The following MALRD1 variants were observed in gnomAD, a reference collection of about 807,000 sequenced individuals.
The protein encoded by MALRD1 is MAM and LDL-receptor class A domain-containing protein 1.
Under a neutral mutation model 242.1 loss-of-function variants are expected in MALRD1, and 247 were observed. The observed-to-expected ratio is 1.02, with a 90% CI of 0.92 to 1.13. The LOEUF (loss-of-function observed/expected upper bound fraction) is 1.13. Among genes scored for constraint, MALRD1 ranks in the 50% most tolerant of loss-of-function variants. The pLI, the probability that MALRD1 is intolerant of heterozygous loss-of-function variation, is 0.00. For missense variants in MALRD1, 2,989 were observed against 2,533.1 expected (o/e 1.18, Z -3.86); for synonymous variants, 995 against 866.6 (o/e 1.15, Z -2.60).
chr10:19,588,311 AC>A (rs1837556052), intron 33 of MALRD1, among the ~76,000 whole-genome samples: 1 of 152,222 alleles, frequency 6.6e-6, no homozygotes, highest in Non-Finnish European at 1.5e-5. Context: ...TACTATTTAA[AC>A]CACTGATTTA....
rs1263676226 is a variant in MALRD1, at chr10:19,295,666, TG to T, written c.3419+12486del. Among the ~76,000 whole-genome samples, 10 of 152,296 alleles carry T rather than the reference TG, an allele frequency of 6.6e-5. No individual in the cohort carries two copies. The East Asian group carries it at 1.9e-3, about 29-fold the overall frequency. ...ATAAACCAGACAGAAAGAATAGTTT[TG>T]CAAAGGAAGGATCTTTCATGTGTCT... On this transcript the variant is annotated intron_variant, in intron 21 of 39. Coordinates refer to ENST00000454679, the MANE Select transcript of MALRD1 (RefSeq NM_001142308.3).
At chr10:19,239,606 C>G (rs1838667375) in intron 18 of MALRD1, among the ~76,000 whole-genome samples, 1 of 152,094 alleles carries the variant, frequency 6.6e-6, no homozygotes, top group African/African-American at 2.4e-5. Flanking sequence ...CACATGTTAT[C>G]TCCTAGTAGT....
At chr10:19,369,791 T>A (rs949382916) in intron 26 of MALRD1, among the ~76,000 whole-genome samples, 1 of 148,612 alleles carries the variant, frequency 6.7e-6, no homozygotes. Flanking sequence ...GTTATAGATA[T>A]TTTTTATATA....
intron 33 of MALRD1, among the ~76,000 whole-genome samples, chr10:19,592,763 G>T (rs7920602): frequency 2.1e-5 from 2 of 93,236 alleles, no homozygotes; most frequent in Non-Finnish European, 4.9e-5. Context: ...ACACACACAC[G>T]CACGCACACA....
intron 36 of MALRD1, among the ~76,000 whole-genome samples, chr10:19,682,144 G>GCTTT (rs1842398292): frequency 6.6e-6 from 1 of 152,146 alleles, no homozygotes; most frequent in Admixed American, 6.5e-5. Context: ...TTGATTAAAA[G>GCTTT]TAATCAACTT....
chr10:19,627,439 CAAAA>C (rs1301201902), intron 36 of MALRD1, among the ~76,000 whole-genome samples: 3 of 151,580 alleles, frequency 2.0e-5, no homozygotes, highest in African/African-American at 4.8e-5. Context: ...AAAAAAGCAA[CAAAA>C]AAACAATAAC....
intron 20 of MALRD1, among the ~76,000 whole-genome samples, chr10:19,281,396 G>A (rs1264706501): frequency 2.6e-5 from 4 of 152,124 alleles, no homozygotes; most frequent in South Asian, 4.1e-4. Flanking sequence ...AGGGAATACC[G>A]AATTTCCTCT....
rs182845861 is a variant in MALRD1, at chr10:19,118,632, C to A, written c.695-4860C>A. Among the ~76,000 whole-genome samples the A allele has an allele frequency of 3.3e-5, 5 of 152,238 alleles. No homozygotes were observed. The East Asian group carries it at 9.7e-4, about 29-fold the overall frequency. The stretch of plus-strand genomic sequence containing the variant: ...AAAATAGACTGTAGATGTTTCTTAT[C>A]ATACTTAGTTTGTTCTACCAGTAAT... On this transcript the variant is annotated intron_variant, in intron 5 of 39. Coordinates refer to ENST00000454679, the MANE Select transcript of MALRD1 (RefSeq NM_001142308.3).
In MALRD1 at chr10:19,614,266, C is replaced by A. The variant is rs10827646; in HGVS notation, c.6071-1591C>A. On this transcript the variant is annotated intron_variant, in intron 35 of 39. Coordinates refer to ENST00000454679, the MANE Select transcript of MALRD1 (RefSeq NM_001142308.3). ...TAATAAATTGAGCTGAGAAGAGCAA[C>A]TGGGCTCCTGTGCCCTCAGTGTGAA... 2.0e-4 allele frequency among the ~76,000 whole-genome samples: 31 copies of A among 151,942 alleles called. No homozygotes were observed. In the South Asian group the frequency reaches 5.8e-3, roughly 28 times the overall value.
At chr10:19,717,741 G>T (rs1834455162) in intron 38 of MALRD1, among the ~76,000 whole-genome samples, 1 of 151,960 alleles carries the variant, frequency 6.6e-6, no homozygotes, top group Non-Finnish European at 1.5e-5. Context: ...CTGGGGCTGG[G>T]TGCAGTGGCT....
intron 32 of MALRD1, among the ~76,000 whole-genome samples, chr10:19,562,336 GATAGA>G (rs1419326662): frequency 6.9e-6 from 1 of 144,608 alleles, no homozygotes; most frequent in East Asian, 1.9e-4. Flanking sequence ...TAGATAGATA[GATAGA>G]TAGTTAGATA....
chr10:19,185,130 T>C (rs1835681584), intron 14 of MALRD1, among the ~76,000 whole-genome samples: 1 of 152,248 alleles, frequency 6.6e-6, no homozygotes, highest in Non-Finnish European at 1.5e-5. Context: ...AAAATGAAGA[T>C]ATTATGTGTC....
Position 19,165,803 on chromosome 10 carries a change from C to A in MALRD1, c.1823C>A (p.Pro608His), listed in dbSNP as rs1834664370. Residue 608 changes from proline (P) to histidine (H), a missense_variant, in exon 13 of 40, where the codon CCT becomes CAT. Pro to His is a moderately conservative substitution (Grantham distance 77). Transcript: ENST00000454679. ...LIAEAGESTL[P>H]FQLILEATVL... Reference sequence around the variant, plus strand: ...GCAGAAGCGGGAGAATCTACTCTACCTTTTCAGGTAAGCACATACGAAATT... The same window carrying A: ...GCAGAAGCGGGAGAATCTACTCTACATTTTCAGGTAAGCACATACGAAATT... 1 of 1,231,622 alleles carries A rather than the reference C, an allele frequency of 8.1e-7. No homozygotes were observed. The highest frequency in any genetic ancestry group is 1.0e-6 in the Non-Finnish European group (1 of 987,928). The allele number at this position is 1,231,622 out of a possible 1,614,324, so 76.3% of individuals were successfully genotyped here.
intron 18 of MALRD1, among the ~76,000 whole-genome samples, chr10:19,238,391 TATGTTATATATTATGTATA>T (rs1838526270): frequency 1.4e-5 from 1 of 71,304 alleles, no homozygotes; most frequent in Non-Finnish European, 2.5e-5. Flanking sequence ...ATATATTATA[TATGTTATATATTATGTATA>T]ATATATAATA....
At chr10:19,268,189 T>A (rs1456656549) in intron 19 of MALRD1, among the ~76,000 whole-genome samples, 2 of 127,238 alleles carry the variant, frequency 1.6e-5, no homozygotes, top group African/African-American at 3.2e-5. Context: ...AAAATGTCAT[T>A]GAATCTTTGT....
intron 5 of MALRD1, among the ~76,000 whole-genome samples, chr10:19,108,008 C>G (rs1836529225): frequency 6.6e-6 from 1 of 152,012 alleles, no homozygotes; most frequent in Non-Finnish European, 1.5e-5. Context: ...AGACTTTGGG[C>G]TTTGTGGATA....
At chr10:19,283,425 T>C (rs1840921964) in intron 21 of MALRD1, among the ~76,000 whole-genome samples, 1 of 152,150 alleles carries the variant, frequency 6.6e-6, no homozygotes, top group East Asian at 1.9e-4. Flanking sequence ...AATTTAATAT[T>C]ATCACTCTTT....
At chr10:19,412,775 G>C (rs1316661303) in intron 28 of MALRD1, among the ~76,000 whole-genome samples, 2 of 152,120 alleles carry the variant, frequency 1.3e-5, no homozygotes, top group African/African-American at 4.8e-5. Flanking sequence ...TACTGCTCCT[G>C]AGCTTGTGTC....
At chr10:19,504,295 G>C (rs1375178074) in intron 31 of MALRD1, among the ~76,000 whole-genome samples, 1 of 152,138 alleles carries the variant, frequency 6.6e-6, no homozygotes, top group Admixed American at 6.5e-5. Flanking sequence ...CCCTTTTCCA[G>C]GACATCACTG....
Sources: gnomAD v4.1 joint callset for allele counts (sites outside exome capture counted in the v4.1 genomes callset) on GRCh38, gnomAD v4.1.1 for gene constraint, MANE v1.5 for transcripts, NCBI Gene and HGNC (gene_info 2026-07-23, HGNC 2026-07-21) for gene names.